Variants in SPAG16 observed in about 807,000 individuals in gnomAD.
The protein encoded by SPAG16 is sperm-associated antigen 16 protein.
In SPAG16, 86 loss-of-function variants were observed where a neutral mutation model predicts 80.4. That is an observed-to-expected ratio of 1.07 (90% CI 0.90 to 1.28). The LOEUF (loss-of-function observed/expected upper bound fraction) is 1.28, where lower values mean the gene tolerates loss of function less well. Among genes scored for constraint, SPAG16 ranks in the 50% most tolerant of loss-of-function variants. SPAG16 has a pLI of 0.00. For missense variants in SPAG16, 870 were observed against 765.3 expected (o/e 1.14, Z -1.61); for synonymous variants, 294 against 265.9 (o/e 1.11, Z -1.03).
intron 15 of SPAG16, among the ~76,000 whole-genome samples, chr2:214,202,921 A>G (rs2058048040): frequency 2.0e-5 from 3 of 152,234 alleles, no homozygotes; most frequent in Admixed American, 2.0e-4. Context: ...AAAGAATATG[A>G]TTCTGTGAAA....
intron 15 of SPAG16, among the ~76,000 whole-genome samples, chr2:214,360,707 C>G (rs1024889621): frequency 2.6e-5 from 4 of 151,810 alleles, no homozygotes; most frequent in Non-Finnish European, 5.9e-5. Context: ...GAAGTTTAAA[C>G]TTTCCCTCTG....
At chr2:213,434,147 T>TGTGA (rs2070479131) in intron 9 of SPAG16, among the ~76,000 whole-genome samples, 1 of 152,214 alleles carries the variant, frequency 6.6e-6, no homozygotes, top group Admixed American at 6.5e-5. Context: ...CTCGAACTCC[T>TGTGA]GACCTCAGGT....
chr2:213,915,377 G>T (rs2077906889), intron 11 of SPAG16, among the ~76,000 whole-genome samples: 1 of 152,002 alleles, frequency 6.6e-6, no homozygotes, highest in African/African-American at 2.4e-5. Flanking sequence ...AGAACATGCG[G>T]TGTTTGGTTT....
intron 9 of SPAG16, among the ~76,000 whole-genome samples, chr2:213,470,798 G>A (rs1259200069): frequency 6.6e-6 from 1 of 152,176 alleles, no homozygotes; most frequent in Non-Finnish European, 1.5e-5. Flanking sequence ...AAATCCTCCT[G>A]TGCTGAGGTT....
At chr2:213,472,395 T>G (rs1469483449) in intron 9 of SPAG16, among the ~76,000 whole-genome samples, 1 of 152,196 alleles carries the variant, frequency 6.6e-6, no homozygotes, top group African/African-American at 2.4e-5. Context: ...TCGACGATCA[T>G]TCTCCAAGAT....
intron 10 of SPAG16, among the ~76,000 whole-genome samples, chr2:213,517,392 A>G (rs2075472013): frequency 6.6e-6 from 1 of 152,198 alleles, no homozygotes; most frequent in Non-Finnish European, 1.5e-5. Flanking sequence ...GCCCAAAGCA[A>G]TTTACAGATT....
chr2:214,116,312 C>T (rs1412750616), intron 14 of SPAG16, among the ~76,000 whole-genome samples: 1 of 152,236 alleles, frequency 6.6e-6, no homozygotes, highest in Non-Finnish European at 1.5e-5. Context: ...ACTGCTTGTA[C>T]AAGGATACAG....
chr2:213,829,250 A>G (rs1486856946), intron 10 of SPAG16, among the ~76,000 whole-genome samples: 1 of 152,108 alleles, frequency 6.6e-6, no homozygotes, highest in Non-Finnish European at 1.5e-5. Flanking sequence ...TTGTGACCCC[A>G]GAAAGATGAG....
Position 214,410,383 on chromosome 2 carries a change from C to CCTG in SPAG16, c.*69_*70insTGC. On this transcript the variant is annotated 3_prime_UTR_variant, in exon 16 of 16. Coordinates refer to ENST00000331683, the MANE Select transcript of SPAG16 (RefSeq NM_024532.5). ...TGAAAATGCCTCCTGTAGTCCCAAA[C>CCTG]CAGCAAAGAACTGGTTAAATGTGCC... is the stretch of plus-strand genomic sequence containing the variant. 2 of 1,440,870 alleles carry CCTG rather than the reference C, an allele frequency of 1.4e-6. No individual in the cohort carries two copies. Among genetic ancestry groups the CCTG allele is most frequent in the South Asian group, 2.7e-5 (2 of 74,440 alleles). The allele number at this position is 1,440,870 out of a possible 1,614,324, so 89.3% of individuals were successfully genotyped here. A position where few individuals can be genotyped will look rare whatever the true frequency, so the allele number is the denominator to read the frequency against.
intron 12 of SPAG16, among the ~76,000 whole-genome samples, chr2:213,934,914 A>G (rs1559605635): frequency 6.6e-6 from 1 of 152,028 alleles, no homozygotes; most frequent in Non-Finnish European, 1.5e-5. Flanking sequence ...AAGAAAATAC[A>G]CTTCCAGGCC....
chr2:213,423,603 C>G (rs1410546722), intron 9 of SPAG16, among the ~76,000 whole-genome samples: 1 of 152,166 alleles, frequency 6.6e-6, no homozygotes, highest in Non-Finnish European at 1.5e-5. Context: ...TCAGACAATT[C>G]TGTTTCAACT....
chr2:214,216,906 G>T (rs941452056), intron 15 of SPAG16, among the ~76,000 whole-genome samples: 2 of 152,176 alleles, frequency 1.3e-5, no homozygotes. Context: ...TGAAAATTCT[G>T]TATTGGCACC....
chr2:213,730,998 T>A (rs1250166415), intron 10 of SPAG16, among the ~76,000 whole-genome samples: 6 of 152,152 alleles, frequency 3.9e-5, no homozygotes, highest in African/African-American at 4.8e-5. Context: ...TACATTTTTT[T>A]ATTTTTTTAT....
intron 14 of SPAG16, among the ~76,000 whole-genome samples, chr2:214,117,953 G>A (rs2054022900): frequency 6.6e-6 from 1 of 152,110 alleles, no homozygotes; most frequent in Non-Finnish European, 1.5e-5. Flanking sequence ...AGACAAATAT[G>A]CCTATCTTTA....
At position 213,988,681 on chromosome 2, in the gene SPAG16, T is replaced by TA. The variant is rs200819063; in HGVS notation, c.1401-25259dup. Among the ~76,000 whole-genome samples the TA allele has an allele frequency of 2.0e-3, 297 of 145,528 alleles. 3 individuals carry two copies. The highest frequency in any genetic ancestry group is 0.012 in the Admixed American group (174 of 14,422). The stretch of plus-strand genomic sequence containing the variant: ...ACCAACATTTTAGATTTTTTTAAAT[T>TA]AAAAAAAAAAACATTCAAAATAGCT... On this transcript the variant is annotated intron_variant, in intron 12 of 15. Transcript: ENST00000331683.
intron 10 of SPAG16, among the ~76,000 whole-genome samples, chr2:213,614,165 G>T (rs746025231): frequency 2.0e-5 from 3 of 152,132 alleles, no homozygotes; most frequent in African/African-American, 4.8e-5. Flanking sequence ...AGAACATTCT[G>T]GAATTATATG....
intron 9 of SPAG16, among the ~76,000 whole-genome samples, chr2:213,477,660 G>A (rs2073489686): frequency 6.6e-6 from 1 of 152,122 alleles, no homozygotes; most frequent in African/African-American, 2.4e-5. Flanking sequence ...TTCAATGTCT[G>A]TACTCCCATT....
chr2:213,292,658 C>T (rs13013336), intron 1 of SPAG16, among the ~76,000 whole-genome samples: 62,643 of 123,830 alleles, frequency 0.51, 17,608 homozygotes, highest in Middle Eastern at 0.71. Flanking sequence ...AGCGAGACTC[C>T]GTCTCAAAAA....
chr2:213,870,577 A>C (rs1030539970), intron 11 of SPAG16, among the ~76,000 whole-genome samples: 2 of 152,192 alleles, frequency 1.3e-5, no homozygotes, highest in Non-Finnish European at 1.5e-5. Context: ...TTAAACTCCC[A>C]GCACCTCAGT....
Sources: gnomAD v4.1 joint callset for allele counts (sites outside exome capture counted in the v4.1 genomes callset) on GRCh38, gnomAD v4.1.1 for gene constraint, MANE v1.5 for transcripts, NCBI Gene and HGNC (gene_info 2026-07-23, HGNC 2026-07-21) for gene names.